EIF2S1: variants seen among roughly 807,000 people sequenced by gnomAD.
The protein encoded by EIF2S1 is eukaryotic translation initiation factor 2 subunit 1.
Under a neutral mutation model 33.5 loss-of-function variants are expected in EIF2S1, and 5 were observed. The ratio of observed to expected loss-of-function variants is 0.15; its 90% confidence interval spans 0.08 to 0.31. The LOEUF is 0.31. Among genes scored for constraint, EIF2S1 ranks in the 10% least tolerant of loss-of-function variants. EIF2S1 has a pLI of 1.00. For synonymous variants in EIF2S1, 99 were observed against 127.5 expected (o/e 0.78, Z 1.51); for missense variants, 191 against 384.6 (o/e 0.50, Z 4.21).
intron 4 of EIF2S1, 26 bp downstream of exon 4, chr14:67,376,616 T>C: frequency 6.2e-7 from 1 of 1,605,152 alleles, no homozygotes; most frequent in African/African-American, 1.3e-5. Flanking sequence ...TGACTCTCCT[T>C]CTACCTTGAT....
rs934173557 is a variant in EIF2S1 at position 67,383,176 on chromosome 14, A to C, written c.823-139A>C. 8 of 875,930 alleles carry C rather than the reference A, an allele frequency of 9.1e-6. No individual in the cohort carries two copies. In the African/African-American group the frequency reaches 1.4e-4, roughly 15 times the overall value. The allele number at this position is 875,930 out of a possible 1,614,324, so 54.3% of individuals were successfully genotyped here. A position where few individuals can be genotyped will look rare whatever the true frequency, so the allele number is the denominator to read the frequency against. Reference sequence around the variant, plus strand: ...TATGTAATGGAATTTATTGCTGATAAGTCACTCAAAAGTGAACAGATATGA... The same window carrying C: ...TATGTAATGGAATTTATTGCTGATACGTCACTCAAAAGTGAACAGATATGA... On this transcript the variant is annotated intron_variant, in intron 7 of 7. Transcript: ENST00000256383.
chr14:67,380,373 C>T (rs1037587933), intron 4 of EIF2S1, among the ~76,000 whole-genome samples: 2 of 151,950 alleles, frequency 1.3e-5, no homozygotes, highest in Admixed American at 6.6e-5. Flanking sequence ...GAGGCAGGGA[C>T]AGCTAATTGC....
intron 2 of EIF2S1, among the ~76,000 whole-genome samples, chr14:67,373,079 T>C (rs2085834188): frequency 6.6e-6 from 1 of 152,218 alleles, no homozygotes. Context: ...CTGCTCCACA[T>C]TGCTCATGGG....
chr14:67,372,826 CAAAAAA>C (rs61111379), intron 2 of EIF2S1, among the ~76,000 whole-genome samples: 1 of 138,426 alleles, frequency 7.2e-6, no homozygotes, highest in African/African-American at 2.6e-5. Context: ...GACTCCATCT[CAAAAAA>C]AAAAACAAAA....
Position 67,384,169 on chromosome 14 carries a change from A to G in EIF2S1, c.*729A>G, listed in dbSNP as rs1040433018. ...TTTATCACACCACGTCCTTATTGGAATAATAAGCTACTTGCCTTGAGTTTA... is the reference window on the plus strand; with the variant it reads ...TTTATCACACCACGTCCTTATTGGAGTAATAAGCTACTTGCCTTGAGTTTA... On this transcript the variant is annotated 3_prime_UTR_variant, in exon 8 of 8. Transcript: ENST00000256383. 3 of 152,208 alleles carry G rather than the reference A, an allele frequency of 2.0e-5. No homozygotes were observed. The highest frequency in any genetic ancestry group is 1.3e-4 in the Admixed American group (2 of 15,284). 9.4% of individuals were successfully genotyped at this position (152,208 alleles called of 1,614,324 possible).
At chr14:67,374,277 CT>C (rs767080142) in intron 2 of EIF2S1, among the ~76,000 whole-genome samples, 190 bp from the exon 3 acceptor site, 2 of 152,158 alleles carry the variant, frequency 1.3e-5, no homozygotes, top group African/African-American at 4.8e-5. Context: ...ATCCAAAACA[CT>C]TTTGGTCCCA....
At chr14:67,381,814 A>G in intron 6 of EIF2S1, 124 bp downstream of exon 6, 1 of 621,196 alleles carries the variant, frequency 1.6e-6, no homozygotes, top group Middle Eastern at 2.6e-4. Context: ...TTTACTCTTA[A>G]AATTGAGCAG....
In EIF2S1 at chr14:67,385,340, C is replaced by G. The variant is rs1179307062; in HGVS notation, c.*1900C>G. 1.3e-5 allele frequency: 2 copies of G among 151,768 alleles called. No individual in the cohort carries two copies. The highest frequency in any genetic ancestry group is 4.8e-5 in the African/African-American group (2 of 41,294). 9.4% of individuals were successfully genotyped at this position (151,768 alleles called of 1,614,324 possible). On this transcript the variant is annotated 3_prime_UTR_variant, in exon 8 of 8. Transcript: ENST00000256383. ...GGCATGGTAGCTCATGCCTGTAACC[C>G]TGGCACTTAAGGGGCCAAGGCAGGA...
In EIF2S1 at chr14:67,385,083, C is replaced by T. The variant is rs2085913003; in HGVS notation, c.*1643C>T. The T allele has an allele frequency of 6.6e-6, 1 of 152,122 alleles. No homozygotes were observed. Among genetic ancestry groups the T allele is most frequent in the African/African-American group, 2.4e-5 (1 of 41,408 alleles). The allele number at this position is 152,122 out of a possible 1,614,324, so 9.4% of individuals were successfully genotyped here. A position where few individuals can be genotyped will look rare whatever the true frequency, so the allele number is the denominator to read the frequency against. ...ATTTTTATCCCACGTGGGCCTTTTG[C>T]TCAGTTCCATGGCAATTTTGTAAAT... On this transcript the variant is annotated 3_prime_UTR_variant, in exon 8 of 8. Transcript: ENST00000256383.
At position 67,385,314 on chromosome 14, in the gene EIF2S1, A is replaced by G. The variant is rs1362282968; in HGVS notation, c.*1874A>G. ...TTTATCCAAATCTTGAATTTCTGCC[A>G]GGCATGGTAGCTCATGCCTGTAACC... On this transcript the variant is annotated 3_prime_UTR_variant, in exon 8 of 8. Coordinates refer to ENST00000256383, the MANE Select transcript of EIF2S1 (RefSeq NM_004094.5). 2.6e-5 allele frequency: 4 copies of G among 152,168 alleles called. No homozygotes were observed. The highest frequency in any genetic ancestry group is 9.7e-5 in the African/African-American group (4 of 41,432). 9.4% of individuals were successfully genotyped at this position (152,168 alleles called of 1,614,324 possible).
Position 67,364,754 on chromosome 14 carries a change from G to A in EIF2S1, c.-1-13G>A. ...AACTGAATACTTACTTAATTCTTTT[G>A]TTTAAATTGCAGAATGCCGGGTCTA... On this transcript the variant is annotated splice_polypyrimidine_tract_variant and intron_variant, in intron 1 of 7. Coordinates refer to ENST00000256383, the MANE Select transcript of EIF2S1 (RefSeq NM_004094.5). The A allele has an allele frequency of 1.3e-6, 2 of 1,589,514 alleles. No homozygotes were observed. Among genetic ancestry groups the A allele is most frequent in the South Asian group, 2.3e-5 (2 of 87,746 alleles).
At chr14:67,367,393 G>C (rs566946996) in intron 2 of EIF2S1, among the ~76,000 whole-genome samples, 1 of 152,192 alleles carries the variant, frequency 6.6e-6, no homozygotes, top group South Asian at 2.1e-4. Flanking sequence ...ACCATGCCCA[G>C]CTAATTTTTG....
At chr14:67,374,950 G>A (rs1040338436) in intron 3 of EIF2S1, among the ~76,000 whole-genome samples, 10 of 152,128 alleles carry the variant, frequency 6.6e-5, no homozygotes, top group African/African-American at 1.9e-4. Context: ...TGAGGGTAAC[G>A]GAGACAACCA....
intron 2 of EIF2S1, 42 bp downstream of exon 2, chr14:67,365,050 A>C: frequency 6.5e-7 from 1 of 1,530,438 alleles, no homozygotes; most frequent in Non-Finnish European, 8.8e-7. Context: ...TCAGATTTAA[A>C]ATGGTTTATT....
At chr14:67,379,620 T>G (rs191946615) in intron 4 of EIF2S1, among the ~76,000 whole-genome samples, 235 of 151,992 alleles carry the variant, frequency 1.5e-3, no homozygotes, top group African/African-American at 5.4e-3. Context: ...TGCTATTCCT[T>G]TTTTACATGA....
intron 4 of EIF2S1, among the ~76,000 whole-genome samples, chr14:67,377,773 T>G (rs2141145497): frequency 6.6e-6 from 1 of 152,242 alleles, no homozygotes; most frequent in African/African-American, 2.4e-5. Context: ...CAACTTTTCC[T>G]TTACTTTCTC....
intron 7 of EIF2S1, 71 bp downstream of exon 7, chr14:67,382,661 G>T (rs778787505): frequency 6.4e-7 from 1 of 1,554,526 alleles, no homozygotes; most frequent in South Asian, 1.1e-5. Context: ...AGGTAAATAA[G>T]AGCTGTCGGC....
chr14:67,363,409 T>G (rs1284848931), intron 1 of EIF2S1, among the ~76,000 whole-genome samples: 1 of 152,188 alleles, frequency 6.6e-6, no homozygotes, highest in African/African-American at 2.4e-5. Context: ...ACTAATAGTT[T>G]GCACTTATTG....
At chr14:67,368,411 C>A (rs143946193) in intron 2 of EIF2S1, among the ~76,000 whole-genome samples, 1 of 152,066 alleles carries the variant, frequency 6.6e-6, no homozygotes, top group African/African-American at 2.4e-5. Context: ...CCCCACCTGA[C>A]GGAGGGGCAG....
Sources: allele counts gnomAD v4.1 joint callset (sites outside exome capture counted in the v4.1 genomes callset), GRCh38; gene constraint gnomAD v4.1.1; transcripts MANE v1.5; gene names NCBI Gene and HGNC (gene_info 2026-07-23, HGNC 2026-07-21).